DMD: variants seen among roughly 807,000 people sequenced by gnomAD.
The protein encoded by DMD is dystrophin.
A neutral mutation model predicts 330.1 loss-of-function variants in DMD; 63 were observed. The ratio of observed to expected loss-of-function variants is 0.19; its 90% CI spans 0.16 to 0.24. DMD has a LOEUF of 0.24. DMD is among the 10% of genes least tolerant of loss of function. DMD has a pLI of 1.00. For synonymous variants in DMD, 1,223 were observed against 959.8 expected (o/e 1.27, Z -5.07); for missense variants, 3,344 against 2,684.1 (o/e 1.25, Z -5.43).
Position 31,172,350 on chromosome X carries a change from G to A in DMD, c.10392C>T (p.Ser3464=). 8.6e-7 allele frequency: 1 copy of A among 1,169,273 alleles called. No individual in the cohort carries two copies. Among genetic ancestry groups the A allele is most frequent in the Admixed American group, 2.2e-5 (1 of 45,797 alleles). Residue 3464 remains serine, a splice_region_variant and synonymous_variant, in exon 73 of 79, where the codon AGC becomes AGT. Coordinates refer to ENST00000357033, the MANE Select transcript of DMD (RefSeq NM_004006.3). ...GTAAAAAGAGATGGGATACTTACAT[G>A]CTCTCATTAGGAGAGATGCTATCAT... ...YLNDSISPNE[S]IDDEHLLIQH... is the part of the protein sequence containing the mutation.
chrX:32,891,569 TGA>T (rs1231645352), intron 2 of DMD, among the ~76,000 whole-genome samples: 1 of 111,463 alleles, frequency 9.0e-6, no homozygotes, highest in Non-Finnish European at 1.9e-5. Context: ...GTAGGACAAA[TGA>T]GAAAAATCAG....
intron 67 of DMD, among the ~76,000 whole-genome samples, chrX:31,192,591 T>A (rs1189431736): frequency 8.9e-6 from 1 of 111,959 alleles, no homozygotes; most frequent in Non-Finnish European, 1.9e-5. Flanking sequence ...ATAAGTACAA[T>A]AATCCATTTC....
chrX:32,270,007 C>A (rs1489135638), intron 43 of DMD, among the ~76,000 whole-genome samples: 5 of 112,257 alleles, frequency 4.5e-5, no homozygotes, highest in Non-Finnish European at 9.4e-5. Context: ...CTCTTTCTTA[C>A]TTTGTCATGC....
At chrX:31,706,156 A>AT (rs894307818) in intron 52 of DMD, among the ~76,000 whole-genome samples, 24 of 108,975 alleles carry the variant, frequency 2.2e-4, no homozygotes, top group Non-Finnish European at 9.5e-5. Flanking sequence ...TTAAAAAAAA[A>AT]AAAAAAAGCA....
chrX:32,606,810 A>C (rs1454355048), intron 12 of DMD, among the ~76,000 whole-genome samples: 1 of 108,321 alleles, frequency 9.2e-6, no homozygotes, highest in Non-Finnish European at 1.9e-5. Flanking sequence ...ACAGCCTAAG[A>C]AAGTATGAAA....
At chrX:33,150,242 T>A (rs975603783) in intron 1 of DMD, among the ~76,000 whole-genome samples, 2 of 108,905 alleles carry the variant, frequency 1.8e-5, no homozygotes, top group Non-Finnish European at 1.9e-5. Flanking sequence ...TACCACCAAA[T>A]CCTCTTGATT....
intron 48 of DMD, among the ~76,000 whole-genome samples, chrX:31,849,546 C>T (rs5927886): frequency 0.14 from 15,226 of 109,539 alleles, 891 homozygotes; most frequent in East Asian, 0.3. Flanking sequence ...AGAAGAAGTA[C>T]GGAGCTATCA....
At position 31,926,369 on chromosome X, in the gene DMD, C is replaced by T. The variant is rs144147220; in HGVS notation, c.6912+3227G>A. Among the ~76,000 whole-genome samples the T allele has an allele frequency of 9.0e-3, 1,002 of 111,593 alleles. 7 individuals carry two copies. The highest frequency in any genetic ancestry group is 0.014 in the Non-Finnish European group (767 of 53,080). On this transcript the variant is annotated intron_variant, in intron 47 of 78. Transcript: ENST00000357033. ...ATTATCTTCACCTGCTGTTTTCTCT[C>T]TTCAGTAATGAAATATAAATGTACA...
intron 1 of DMD, among the ~76,000 whole-genome samples, chrX:33,106,979 G>A (rs1419690029): frequency 9.0e-6 from 1 of 111,641 alleles, no homozygotes; most frequent in Non-Finnish European, 1.9e-5. Flanking sequence ...AGCGCAAACA[G>A]GAATTAACTC....
chrX:32,665,943 C>T (rs1309555196), intron 9 of DMD, among the ~76,000 whole-genome samples: 1 of 111,351 alleles, frequency 9.0e-6, no homozygotes, highest in Non-Finnish European at 1.9e-5. Flanking sequence ...AAGATGAGGG[C>T]AGCAAGACCA....
In DMD at chrX:32,858,050, G is replaced by GAA. The variant is rs767357850; in HGVS notation, c.94-8232_94-8231dup. ...CAGTTCCTGCTATCGTATTATTTTC[G>GAA]AAACTCACAGAGTCAATGATATATT... On this transcript the variant is annotated intron_variant, in intron 2 of 78. Coordinates refer to ENST00000357033, the MANE Select transcript of DMD (RefSeq NM_004006.3). 3.6e-5 allele frequency among the ~76,000 whole-genome samples: 4 copies of GAA among 109,819 alleles called. No individual in the cohort carries two copies. In the East Asian group the frequency reaches 1.1e-3, roughly 32 times the overall value.
chrX:31,375,081 A>C (rs1275220685), intron 60 of DMD, among the ~76,000 whole-genome samples: 2 of 111,836 alleles, frequency 1.8e-5, no homozygotes, highest in Non-Finnish European at 3.8e-5. Context: ...ATTTATGCCT[A>C]GTGTTCCATT....
intron 9 of DMD, among the ~76,000 whole-genome samples, chrX:32,696,989 C>A (rs190271150): frequency 8.8e-4 from 98 of 111,599 alleles, no homozygotes; most frequent in Non-Finnish European, 1.6e-3. Context: ...AATTGAGTCT[C>A]CAAAAATGTA....
intron 2 of DMD, among the ~76,000 whole-genome samples, chrX:32,997,538 C>T (rs1336851037): frequency 8.9e-6 from 1 of 111,970 alleles, no homozygotes; most frequent in African/African-American, 3.2e-5. Flanking sequence ...GCCACCGCAC[C>T]CGGCCCCTCT....
intron 64 of DMD, among the ~76,000 whole-genome samples, chrX:31,214,941 T>C (rs1053931514): frequency 5.8e-5 from 4 of 69,234 alleles, no homozygotes; most frequent in South Asian, 8.8e-4. Context: ...TTTTTTCTTT[T>C]TTTTTTTTTT....
rs1485349220 is a variant in DMD, at chrX:31,255,355, C to G, written c.9286+5600G>C. On this transcript the variant is annotated intron_variant, in intron 63 of 78. Transcript: ENST00000357033. ...CACCAAGCTAACCTATTGGAACAGTCTTTCCATTACATTTGTAAAAATGCT... is the reference window on the plus strand; with the variant it reads ...CACCAAGCTAACCTATTGGAACAGTGTTTCCATTACATTTGTAAAAATGCT... 3.6e-5 allele frequency among the ~76,000 whole-genome samples: 4 copies of G among 111,604 alleles called. No homozygotes were observed. The East Asian group carries it at 1.1e-3, about 31-fold the overall frequency.
intron 43 of DMD, among the ~76,000 whole-genome samples, chrX:32,233,983 T>C (rs765392113): frequency 9.0e-6 from 1 of 111,274 alleles, no homozygotes; most frequent in East Asian, 2.8e-4. Flanking sequence ...ATATGTAAGC[T>C]ATACTTCACC....
chrX:33,281,290 C>A (rs2053328034), intron 1 of DMD, among the ~76,000 whole-genome samples: 1 of 106,221 alleles, frequency 9.4e-6, no homozygotes, highest in African/African-American at 3.5e-5. Flanking sequence ...TTCACTGCAA[C>A]CTCTCTCTCC....
At chrX:31,502,415 C>A (rs1357195809) in intron 56 of DMD, among the ~76,000 whole-genome samples, 1 of 110,447 alleles carries the variant, frequency 9.1e-6, no homozygotes, top group Non-Finnish European at 1.9e-5. Flanking sequence ...GTCCAAGTTG[C>A]AGTTTTCTCT....
Sources: gnomAD v4.1 joint callset for allele counts (sites outside exome capture counted in the v4.1 genomes callset) on GRCh38, gnomAD v4.1.1 for gene constraint, MANE v1.5 for transcripts, NCBI Gene and HGNC (gene_info 2026-07-23, HGNC 2026-07-21) for gene names.